The following DNAAF11 variants were observed in gnomAD, a reference collection of about 807,000 sequenced individuals.
DNAAF11 encodes leucine rich repeat containing 6.
In DNAAF11, 45 loss-of-function variants were observed where a neutral mutation model predicts 60.8. The observed-to-expected ratio is 0.74, with a 90% CI of 0.58 to 0.95. The LOEUF (loss-of-function observed/expected upper bound fraction) is 0.95, where lower values mean the gene tolerates loss of function less well. Among genes scored for constraint, DNAAF11 ranks in the 40% least tolerant of loss-of-function variants. The pLI, the probability that DNAAF11 is intolerant of heterozygous loss-of-function variation, is 0.00. For synonymous variants in DNAAF11, 191 were observed against 183.5 expected, an observed-to-expected ratio of 1.04 and a Z score of -0.33; for missense variants, 546 against 546.2, an observed-to-expected ratio of 1.00 and a Z score of 0.00.
intron 3 of DNAAF11, among the ~76,000 whole-genome samples, chr8:132,640,852 G>A (rs1378931318): frequency 2.0e-5 from 3 of 152,094 alleles, no homozygotes; most frequent in South Asian, 2.1e-4. Context: ...AGTCTGGAAC[G>A]TCTTGATGTA....
chr8:132,678,730 A>AATAAAAATAAATTTTTAT (rs974047661), upstream of DNAAF11, among the ~76,000 whole-genome samples: 1,428 of 151,072 alleles, frequency 9.5e-3, 5 homozygotes, highest in Middle Eastern at 0.017. Context: ...TTTTATCAAG[A>AATAAAAATAAATTTTTAT]ATAAAAATAA....
chr8:132,575,642 T>C (rs1368825562), intron 11 of DNAAF11, among the ~76,000 whole-genome samples: 1 of 152,078 alleles, frequency 6.6e-6, no homozygotes, highest in Non-Finnish European at 1.5e-5. Flanking sequence ...ACGGTAGGAA[T>C]CATAGAGTAA....
chr8:132,674,412 G>A (rs529877752), intron 1 of DNAAF11, among the ~76,000 whole-genome samples: 3 of 152,210 alleles, frequency 2.0e-5, no homozygotes, highest in African/African-American at 4.8e-5. Flanking sequence ...CCATCATCTG[G>A]AGCAGTCTCT....
intron 10 of DNAAF11, among the ~76,000 whole-genome samples, chr8:132,592,508 T>C (rs1816570594): frequency 6.6e-6 from 1 of 152,146 alleles, no homozygotes; most frequent in Non-Finnish European, 1.5e-5. Context: ...AGGTTGTGGA[T>C]GTAAGCAGGG....
rs1193280681 is a variant in DNAAF11 at position 132,669,895 on chromosome 8, C to T, written c.10+5589G>A. On this transcript the variant is annotated intron_variant, in intron 1 of 11. Coordinates refer to ENST00000620350, the MANE Select transcript of DNAAF11 (RefSeq NM_012472.6). ...GGCAGAGCTTGCAGTAAGCTGAGAT[C>T]GTGCCACTGCACTCCAGCCTGGGTG... 5.6e-5 allele frequency among the ~76,000 whole-genome samples: 8 copies of T among 141,890 alleles called. 1 individual carries two copies. In the South Asian group the frequency reaches 6.7e-4, roughly 12 times the overall value. 93.1% of individuals were successfully genotyped at this position (141,890 alleles called of 152,430 possible).
intron 1 of DNAAF11, among the ~76,000 whole-genome samples, chr8:132,666,698 A>G (rs1563714198): frequency 6.6e-6 from 1 of 152,256 alleles, no homozygotes; most frequent in African/African-American, 2.4e-5. Flanking sequence ...GCCAGGAAGC[A>G]AGTGTATCTT....
intron 10 of DNAAF11, among the ~76,000 whole-genome samples, chr8:132,595,523 C>T (rs149373516): frequency 1.3e-4 from 19 of 151,934 alleles, no homozygotes; most frequent in East Asian, 9.7e-4. Context: ...GGTTTCAACA[C>T]GGGAATAAAG....
chr8:132,610,315 G>T, intron 9 of DNAAF11, 54 bp from the exon 10 acceptor site: 2 of 1,201,902 alleles, frequency 1.7e-6, no homozygotes, highest in South Asian at 1.2e-5. Flanking sequence ...TACATGAGAG[G>T]GTTACTAAAA....
upstream of DNAAF11, among the ~76,000 whole-genome samples, chr8:132,677,986 T>A (rs1825813790): frequency 6.6e-6 from 1 of 152,220 alleles, no homozygotes; most frequent in African/African-American, 2.4e-5. Context: ...CTCTTAATAC[T>A]GCTACATTGG....
the DNAAF11 span, among the ~76,000 whole-genome samples, chr8:132,690,941 T>C: frequency 6.6e-6 from 1 of 152,192 alleles, no homozygotes; most frequent in Admixed American, 6.5e-5. Context: ...TTGGCCTTGA[T>C]CACCTGGCTA....
At chr8:132,691,200 C>T in the DNAAF11 span, among the ~76,000 whole-genome samples, 6 of 150,038 alleles carry the variant, frequency 4.0e-5, no homozygotes, top group East Asian at 1.9e-4. Flanking sequence ...TCAGTATAGA[C>T]TCATGGATAT....
chr8:132,628,000 C>T (rs1448161083), intron 5 of DNAAF11, among the ~76,000 whole-genome samples: 7 of 152,160 alleles, frequency 4.6e-5, no homozygotes, highest in Admixed American at 4.6e-4. Flanking sequence ...GATAAATCCC[C>T]AGCTTCTGCC....
chr8:132,614,918 A>C lies in DNAAF11; in HGVS notation c.974+120T>G, dbSNP rs2130075149. The stretch of plus-strand genomic sequence containing the variant: ...AGTAACTTCTCTGTCTTAACAAATA[A>C]GCTTCATTTAACTATAGGTCTAAGT... On this transcript the variant is annotated intron_variant, in intron 8 of 11. Transcript: ENST00000620350. The C allele has an allele frequency of 5.3e-6, 3 of 566,724 alleles. No homozygotes were observed. The South Asian group carries it at 8.7e-5, about 16-fold the overall frequency. 35.1% of individuals were successfully genotyped at this position (566,724 alleles called of 1,614,324 possible).
At chr8:132,574,567 G>A (rs1024663025) in intron 11 of DNAAF11, among the ~76,000 whole-genome samples, 3 of 152,190 alleles carry the variant, frequency 2.0e-5, no homozygotes, top group Admixed American at 6.5e-5. Context: ...CACAGGGAAA[G>A]GACTCTTAGA....
chr8:132,644,129 A>G (rs1203996685), intron 3 of DNAAF11, among the ~76,000 whole-genome samples: 1 of 152,168 alleles, frequency 6.6e-6, no homozygotes, highest in African/African-American at 2.4e-5. Flanking sequence ...GTGACATAAG[A>G]GTTATACCTT....
At chr8:132,691,124 CTTCTTCTCCATAGGAGAAGAGTTTA>C in the DNAAF11 span, among the ~76,000 whole-genome samples, 7 of 151,512 alleles carry the variant, frequency 4.6e-5, no homozygotes, top group East Asian at 1.9e-4. Context: ...ATTATTTGAA[CTTCTTCTCCATAGGAGAAGAGTTTA>C]TTCTTCTCCA....
At chr8:132,598,759 G>A (rs548819918) in intron 10 of DNAAF11, among the ~76,000 whole-genome samples, 6 of 152,224 alleles carry the variant, frequency 3.9e-5, no homozygotes, top group African/African-American at 1.4e-4. Context: ...AGAATCTGTG[G>A]GACACATTTA....
intron 10 of DNAAF11, among the ~76,000 whole-genome samples, chr8:132,598,557 T>A (rs1023253995): frequency 6.6e-6 from 1 of 152,236 alleles, no homozygotes; most frequent in Admixed American, 6.5e-5. Context: ...ATTTTATTTT[T>A]CTATTCATAA....
intron 11 of DNAAF11, among the ~76,000 whole-genome samples, chr8:132,580,568 G>C (rs983379898): frequency 3.9e-5 from 6 of 151,916 alleles, no homozygotes; most frequent in Admixed American, 2.6e-4. Flanking sequence ...CAATGAAAAA[G>C]TAAATTGCAA....
Sources: allele counts gnomAD v4.1 joint callset (sites outside exome capture counted in the v4.1 genomes callset), GRCh38; gene constraint gnomAD v4.1.1; transcripts MANE v1.5; gene names NCBI Gene and HGNC (gene_info 2026-07-23, HGNC 2026-07-21).